Variants in STK3 observed in about 807,000 individuals in gnomAD.
STK3 encodes the protein serine/threonine-protein kinase 3.
A neutral mutation model predicts 58.0 loss-of-function variants in STK3; 41 were observed. The ratio of observed to expected loss-of-function variants is 0.71; its 90% CI spans 0.55 to 0.92. STK3 has a LOEUF of 0.92. STK3 is among the 40% of genes least tolerant of loss of function. The probability of loss-of-function intolerance (pLI) is 0.00; values close to 1 mark genes in which losing one functional copy is unlikely to be tolerated. For missense variants in STK3, 479 were observed against 602.7 expected (o/e 0.79, Z 2.15); for synonymous variants, 170 against 191.0 (o/e 0.89, Z 0.91).
chr8:98,853,563 A>T (rs1448684284), intron 3 of STK3, among the ~76,000 whole-genome samples: 4 of 152,066 alleles, frequency 2.6e-5, no homozygotes, highest in Non-Finnish European at 5.9e-5. Flanking sequence ...CTGCTAATGC[A>T]CATTCTGGCT....
intron 10 of STK3, among the ~76,000 whole-genome samples, chr8:98,507,651 C>T (rs1482012581): frequency 6.6e-6 from 1 of 152,156 alleles, no homozygotes; most frequent in African/African-American, 2.4e-5. Flanking sequence ...TGCACCCTAC[C>T]ACTTCCCTAT....
intron 3 of STK3, among the ~76,000 whole-genome samples, chr8:98,752,799 T>C (rs991471700): frequency 6.7e-6 from 1 of 148,880 alleles, no homozygotes; most frequent in Non-Finnish European, 1.5e-5. Context: ...GCAAAGGACA[T>C]GAACAGATAC....
intron 4 of STK3, among the ~76,000 whole-genome samples, chr8:98,739,491 T>G (rs9773475): frequency 0.36 from 50,847 of 140,978 alleles, 10,017 homozygotes; most frequent in Admixed American, 0.47. Context: ...ACAGAGTCTG[T>G]AGTGGACCTC....
rs34117067 is a variant in STK3, at chr8:98,783,024, G to GGAGA, written c.27-8209_27-8206dup. On this transcript the variant is annotated intron_variant, in intron 1 of 10. Coordinates refer to ENST00000419617, the MANE Select transcript of STK3 (RefSeq NM_006281.4). Reference sequence around the variant, plus strand: ...CACACAAAGAGAGAAAGAAGGAGAGGGAGAGAGAGAGAGAGAGAGAGAACC... The same window carrying GGAGA: ...CACACAAAGAGAGAAAGAAGGAGAGGGAGAGAGAGAGAGAGAGAGAGAGAGAACC... Among the ~76,000 whole-genome samples, 1,206 of 133,958 alleles carry GGAGA rather than the reference G, an allele frequency of 9.0e-3. 9 individuals are homozygous for GGAGA. Among genetic ancestry groups the GGAGA allele is most frequent in the African/African-American group, 0.031 (1,124 of 36,108 alleles). 87.9% of individuals were successfully genotyped at this position (133,958 alleles called of 152,430 possible). A position where few individuals can be genotyped will look rare whatever the true frequency, so the allele number is the denominator to read the frequency against.
intron 1 of STK3, among the ~76,000 whole-genome samples, chr8:98,813,634 C>T (rs926573332): frequency 3.3e-5 from 5 of 152,108 alleles, no homozygotes; most frequent in African/African-American, 1.2e-4. Flanking sequence ...TTCCTTCACC[C>T]TTGGACTCTA....
At chr8:98,379,568 CCTT>C (rs898685856) in intron 1 of STK3, among the ~76,000 whole-genome samples, 12 of 152,208 alleles carry the variant, frequency 7.9e-5, no homozygotes, top group African/African-American at 2.9e-4. Context: ...CAACCCCACT[CCTT>C]CTTCAAGTGC....
intron 2 of STK3, among the ~76,000 whole-genome samples, chr8:98,372,370 T>G (rs1336828309): frequency 1.3e-5 from 2 of 152,122 alleles, no homozygotes; most frequent in African/African-American, 4.8e-5. Context: ...GCCTCAGCCA[T>G]CAGCTGGGGA....
intron 3 of STK3, among the ~76,000 whole-genome samples, chr8:98,852,595 T>C (rs1836516199): frequency 6.6e-6 from 1 of 152,252 alleles, no homozygotes; most frequent in Non-Finnish European, 1.5e-5. Context: ...ATTTCCTTTA[T>C]CTTTTCTACT....
At chr8:98,488,772 A>G (rs1439842637) in intron 10 of STK3, among the ~76,000 whole-genome samples, 1 of 152,260 alleles carries the variant, frequency 6.6e-6, no homozygotes, top group African/African-American at 2.4e-5. Context: ...GTACATTGGT[A>G]GCTATCCCCT....
At chr8:98,371,257 T>C (rs559244691), downstream of STK3, 3 of 152,334 alleles carry the variant, frequency 2.0e-5, no homozygotes, top group East Asian at 5.8e-4. Context: ...TCCATCCCTC[T>C]GATCCCATCC....
At chr8:98,637,086 CTTCT>C (rs1819682763) in intron 6 of STK3, among the ~76,000 whole-genome samples, 1 of 146,502 alleles carries the variant, frequency 6.8e-6, no homozygotes, top group Non-Finnish European at 1.5e-5. Flanking sequence ...AAAAAGCAGA[CTTCT>C]TTCATAATAA....
intron 3 of STK3, among the ~76,000 whole-genome samples, chr8:98,421,545 A>G (rs1215936383): frequency 2.0e-5 from 3 of 152,146 alleles, no homozygotes; most frequent in African/African-American, 7.2e-5. Flanking sequence ...AGGCTGAGGT[A>G]GGTGGATCAC....
At chr8:98,638,015 C>A (rs896373031) in intron 6 of STK3, among the ~76,000 whole-genome samples, 2 of 152,146 alleles carry the variant, frequency 1.3e-5, no homozygotes. Flanking sequence ...AAACTCTCTA[C>A]TCATGCTACT....
chr8:98,816,086 C>T (rs1834522538), intron 1 of STK3, among the ~76,000 whole-genome samples: 1 of 152,148 alleles, frequency 6.6e-6, no homozygotes, highest in African/African-American at 2.4e-5. Context: ...GACAAAGGAA[C>T]ATGTTGAACT....
rs1835210731 is a variant in STK3 at position 98,825,574 on chromosome 8, C to T, written c.-34G>A. 3.5e-6 allele frequency: 5 copies of T among 1,440,300 alleles called. No homozygotes were observed. The highest frequency in any genetic ancestry group is 2.7e-6 in the Non-Finnish European group (3 of 1,091,012). 89.2% of individuals were successfully genotyped at this position (1,440,300 alleles called of 1,614,324 possible). A position where few individuals can be genotyped will look rare whatever the true frequency, so the allele number is the denominator to read the frequency against. ...GGGACAGAGAGAGGGACCTGGTGGACGGCGAAGGCCGAAAGGAGGAAAGGA... is the reference window on the plus strand; with the variant it reads ...GGGACAGAGAGAGGGACCTGGTGGATGGCGAAGGCCGAAAGGAGGAAAGGA... On this transcript the variant is annotated 5_prime_UTR_variant, in exon 1 of 11. Transcript: ENST00000419617.
At chr8:98,407,342 T>C (rs182628530) in intron 3 of STK3, among the ~76,000 whole-genome samples, 1 of 152,038 alleles carries the variant, frequency 6.6e-6, no homozygotes, top group African/African-American at 2.4e-5. Context: ...AAGGCTCAAA[T>C]AGAGAGTGTT....
At chr8:98,766,247 T>C (rs1355742686) in intron 3 of STK3, among the ~76,000 whole-genome samples, 1 of 152,084 alleles carries the variant, frequency 6.6e-6, no homozygotes, top group Non-Finnish European at 1.5e-5. Context: ...TACTGACCCC[T>C]CAAAAAGAAA....
intron 1 of STK3, chr8:98,782,597 A>G: frequency 3.6e-6 from 1 of 275,066 alleles, no homozygotes; most frequent in Admixed American, 4.3e-5. Context: ...GAGCATCAAG[A>G]CTTTGTCCAA....
intron 3 of STK3, among the ~76,000 whole-genome samples, chr8:98,852,836 G>T (rs1318716334): frequency 6.6e-6 from 1 of 152,056 alleles, no homozygotes; most frequent in African/African-American, 2.4e-5. Flanking sequence ...TTCCTCAAGG[G>T]ACCATTTTTT....
Sources: allele counts gnomAD v4.1 joint callset (sites outside exome capture counted in the v4.1 genomes callset), GRCh38; gene constraint gnomAD v4.1.1; transcripts MANE v1.5; gene names NCBI Gene and HGNC (gene_info 2026-07-23, HGNC 2026-07-21).